The following GRM8 variants were observed in gnomAD, a reference collection of about 807,000 sequenced individuals.
The protein encoded by GRM8 is metabotropic glutamate receptor 8.
Under a neutral mutation model 87.2 loss-of-function variants are expected in GRM8, and 47 were observed. That is an observed-to-expected ratio of 0.54 (90% CI 0.43 to 0.69). The LOEUF (loss-of-function observed/expected upper bound fraction) is 0.69. Ranked by LOEUF, GRM8 falls within the 30% of genes least tolerant of loss-of-function variation. The pLI, the probability that GRM8 is intolerant of heterozygous loss-of-function variation, is 0.00. For missense variants in GRM8, 1,019 were observed against 1,139.2 expected (o/e 0.89, Z 1.52); for synonymous variants, 396 against 404.5 (o/e 0.98, Z 0.25).
intron 6 of GRM8, among the ~76,000 whole-genome samples, chr7:126,779,835 C>T (rs979501837): frequency 3.9e-5 from 6 of 152,140 alleles, no homozygotes; most frequent in African/African-American, 1.4e-4. Context: ...ACCTCTTCTA[C>T]ACAACACGGA....
chr7:126,630,807 A>G (rs893827714), intron 7 of GRM8, among the ~76,000 whole-genome samples: 2 of 152,200 alleles, frequency 1.3e-5, no homozygotes, highest in Non-Finnish European at 2.9e-5. Context: ...GGATGCAGAA[A>G]AGGCCTTTGA....
At chr7:127,048,775 G>A (rs569969180) in intron 3 of GRM8, among the ~76,000 whole-genome samples, 1 of 152,246 alleles carries the variant, frequency 6.6e-6, no homozygotes, top group Admixed American at 6.5e-5. Context: ...ACTATTTAAT[G>A]TATGATATTA....
intron 9 of GRM8, among the ~76,000 whole-genome samples, chr7:126,520,298 A>G (rs1052483526): frequency 2.0e-5 from 3 of 152,132 alleles, no homozygotes; most frequent in Admixed American, 6.6e-5. Context: ...TATAAATAAC[A>G]TGATTTGGCA....
chr7:127,209,879 C>T (rs1012874665), intron 2 of GRM8, among the ~76,000 whole-genome samples: 1 of 152,018 alleles, frequency 6.6e-6, no homozygotes, highest in African/African-American at 2.4e-5. Flanking sequence ...AATCAGACAA[C>T]CCCTACCCCC....
At position 126,912,021 on chromosome 7, in the gene GRM8, C is replaced by T. The variant is rs552410039; in HGVS notation, c.728-7338G>A. ...CATCCTGGCTAACACAGCGAAACCC[C>T]GTCTCTACTAAAAATACAAAAAAAA... On this transcript the variant is annotated intron_variant, in intron 3 of 10. Transcript: ENST00000339582. Among the ~76,000 whole-genome samples the T allele has an allele frequency of 1.4e-4, 21 of 152,020 alleles. No individual in the cohort carries two copies. In the South Asian group the frequency reaches 2.5e-3, roughly 18 times the overall value.
chr7:126,956,458 TAA>T (rs1327963561), intron 3 of GRM8, among the ~76,000 whole-genome samples: 2 of 152,374 alleles, frequency 1.3e-5, no homozygotes, highest in African/African-American at 4.8e-5. Context: ...CAATAAATGC[TAA>T]GTTTCAATTT....
chr7:127,126,200 T>C (rs1474366947), intron 2 of GRM8, among the ~76,000 whole-genome samples: 2 of 152,008 alleles, frequency 1.3e-5, no homozygotes, highest in African/African-American at 4.8e-5. Flanking sequence ...GCACTATTCA[T>C]AATCTTTGCT....
At chr7:126,500,651 T>C (rs1809503077) in intron 9 of GRM8, among the ~76,000 whole-genome samples, 1 of 152,036 alleles carries the variant, frequency 6.6e-6, no homozygotes, top group South Asian at 2.1e-4. Context: ...AAATATTCAG[T>C]AAGTTTAATA....
intron 7 of GRM8, among the ~76,000 whole-genome samples, chr7:126,719,896 C>A (rs1285203721): frequency 1.4e-5 from 2 of 146,642 alleles, no homozygotes; most frequent in Admixed American, 1.4e-4. Flanking sequence ...ATTTCTATAG[C>A]AAGTTCTATA....
chr7:126,542,907 T>C (rs560270891), intron 8 of GRM8, among the ~76,000 whole-genome samples: 13 of 152,308 alleles, frequency 8.5e-5, no homozygotes, highest in Admixed American at 5.2e-4. Context: ...GTGGTGGTGA[T>C]GAAGAAGATA....
At chr7:127,049,933 C>T (rs894037211) in intron 3 of GRM8, among the ~76,000 whole-genome samples, 2 of 152,124 alleles carry the variant, frequency 1.3e-5, no homozygotes, top group East Asian at 1.9e-4. Flanking sequence ...GTCTGGTGTG[C>T]GTGGTGGAAA....
chr7:126,976,131 T>C (rs1336772930), intron 3 of GRM8, among the ~76,000 whole-genome samples: 1 of 152,218 alleles, frequency 6.6e-6, no homozygotes, highest in Non-Finnish European at 1.5e-5. Flanking sequence ...ACACATAAAC[T>C]ATCAATGAAA....
chr7:126,613,629 C>T (rs1799149211), intron 7 of GRM8, among the ~76,000 whole-genome samples: 1 of 152,186 alleles, frequency 6.6e-6, no homozygotes, highest in Non-Finnish European at 1.5e-5. Context: ...CTTTCCTAGC[C>T]AAGGGAATGG....
intron 3 of GRM8, among the ~76,000 whole-genome samples, chr7:126,906,593 A>G (rs2518948): frequency 0.77 from 117,910 of 152,202 alleles, 46,121 homozygotes; most frequent in East Asian, 0.97. Flanking sequence ...GGAGAAATAT[A>G]TGCTGAGCTT....
At chr7:126,745,772 A>G (rs866517968) in intron 7 of GRM8, among the ~76,000 whole-genome samples, 2 of 151,660 alleles carry the variant, frequency 1.3e-5, no homozygotes, top group African/African-American at 4.8e-5. Context: ...CTTCTTGCAC[A>G]CTGGATTTTC....
chr7:126,767,235 T>C (rs1425197879), intron 7 of GRM8, among the ~76,000 whole-genome samples: 3 of 152,128 alleles, frequency 2.0e-5, no homozygotes, highest in African/African-American at 7.2e-5. Context: ...AAAAGAGTTA[T>C]ACATCTAAAT....
chr7:126,569,452 T>C (rs1181660963), intron 8 of GRM8, among the ~76,000 whole-genome samples: 1 of 152,178 alleles, frequency 6.6e-6, no homozygotes, highest in Non-Finnish European at 1.5e-5. Flanking sequence ...GAAAGTGAAT[T>C]TTATTTTTAA....
intron 2 of GRM8, among the ~76,000 whole-genome samples, chr7:127,173,688 T>C (rs1276551250): frequency 6.6e-6 from 1 of 152,174 alleles, no homozygotes; most frequent in Non-Finnish European, 1.5e-5. Context: ...CCTGGAGCGA[T>C]ATGGGGTGGC....
At chr7:126,618,124 T>C (rs1420235280) in intron 7 of GRM8, among the ~76,000 whole-genome samples, 1 of 151,972 alleles carries the variant, frequency 6.6e-6, no homozygotes, top group Admixed American at 6.6e-5. Context: ...TGACTTCAAA[T>C]TATACTACAA....
Sources: gnomAD v4.1 joint callset for allele counts (sites outside exome capture counted in the v4.1 genomes callset) on GRCh38, gnomAD v4.1.1 for gene constraint, MANE v1.5 for transcripts, NCBI Gene and HGNC (gene_info 2026-07-23, HGNC 2026-07-21) for gene names.